The following SIRPG variants were observed in gnomAD, a reference collection of about 807,000 sequenced individuals.
SIRPG encodes signal regulatory protein gamma.
Under a neutral mutation model 35.7 loss-of-function variants are expected in SIRPG, and 38 were observed. That is an observed-to-expected ratio of 1.06 (90% CI 0.82 to 1.40). The LOEUF (loss-of-function observed/expected upper bound fraction) is 1.40, where lower values mean the gene tolerates loss of function less well. Among genes scored for constraint, SIRPG ranks in the 40% most tolerant of loss-of-function variants. The pLI is 0.00. For missense variants in SIRPG, 519 were observed against 483.0 expected, an observed-to-expected ratio of 1.07 and a Z score of -0.70; for synonymous variants, 215 against 190.4, an observed-to-expected ratio of 1.13 and a Z score of -1.06.
At chr20:1,673,679 C>T in the SIRPG span, among the ~76,000 whole-genome samples, 1 of 151,996 alleles carries the variant, frequency 6.6e-6, no homozygotes, top group Non-Finnish European at 1.5e-5. Flanking sequence ...TCTGAACAAT[C>T]CCCTCAGGAA....
chr20:1,642,288 T>C (rs2091858978), intron 2 of SIRPG, among the ~76,000 whole-genome samples: 1 of 151,370 alleles, frequency 6.6e-6, no homozygotes, highest in Admixed American at 6.6e-5. Context: ...ATATTTAGGA[T>C]AGTTAGTTGA....
chr20:1,675,151 C>G, the SIRPG span, among the ~76,000 whole-genome samples: 2 of 152,156 alleles, frequency 1.3e-5, no homozygotes, highest in Non-Finnish European at 2.9e-5. Context: ...AATGGAAACT[C>G]TTGCTTACAG....
the SIRPG span, among the ~76,000 whole-genome samples, chr20:1,675,333 T>A: frequency 6.6e-6 from 1 of 152,192 alleles, no homozygotes. Context: ...AAATGCTTCA[T>A]GTGTGCTGAG....
chr20:1,630,339 G>A, intron 4 of SIRPG, 33 bp from the exon 5 acceptor site: 4 of 1,520,206 alleles, frequency 2.6e-6, no homozygotes, highest in Non-Finnish European at 3.6e-6. Flanking sequence ...GGCTATGAGA[G>A]AGACCACTTG....
the SIRPG span, among the ~76,000 whole-genome samples, chr20:1,665,920 C>A: frequency 1.3e-5 from 2 of 151,632 alleles, no homozygotes; most frequent in South Asian, 2.1e-4. Context: ...AAAAAAAGAG[C>A]CTCAGGCACG....
the SIRPG span, among the ~76,000 whole-genome samples, chr20:1,678,983 T>C: frequency 9.8e-5 from 15 of 152,312 alleles, no homozygotes; most frequent in Admixed American, 8.5e-4. Flanking sequence ...ACTCTACACC[T>C]GGCAAACATC....
At chr20:1,654,876 G>T in intron 1 of SIRPG, among the ~76,000 whole-genome samples, 1 of 152,154 alleles carries the variant, frequency 6.6e-6, no homozygotes, top group South Asian at 2.1e-4. Context: ...CCAAAGATCC[G>T]AATAGACATT....
the SIRPG span, among the ~76,000 whole-genome samples, chr20:1,662,978 G>A: frequency 6.6e-6 from 1 of 152,006 alleles, no homozygotes; most frequent in African/African-American, 2.4e-5. Context: ...CAGCTGTTTT[G>A]GGGAAGACTC....
chr20:1,675,962 GCTCCCTGCTTCC>G, the SIRPG span, among the ~76,000 whole-genome samples: 3 of 152,054 alleles, frequency 2.0e-5, no homozygotes, highest in Non-Finnish European at 4.4e-5. Flanking sequence ...CACAGCTGCT[GCTCCCTGCTTCC>G]CTCCCTGCCT....
chr20:1,630,185 G>T, intron 5 of SIRPG, 37 bp downstream of exon 5: 1 of 1,488,664 alleles, frequency 6.7e-7, no homozygotes, highest in Non-Finnish European at 9.2e-7. Flanking sequence ...GCCCTTCTGA[G>T]ACAGCCCTTG....
chr20:1,677,860 C>T, the SIRPG span, among the ~76,000 whole-genome samples: 1 of 152,030 alleles, frequency 6.6e-6, no homozygotes, highest in South Asian at 2.1e-4. Context: ...TGCCATATAT[C>T]GACAACTAGA....
intron 2 of SIRPG, among the ~76,000 whole-genome samples, chr20:1,641,798 T>C (rs1179274577): frequency 1.3e-5 from 2 of 152,220 alleles, no homozygotes; most frequent in Non-Finnish European, 2.9e-5. Context: ...TGTCTCTTTG[T>C]TCTTATTGGT....
chr20:1,666,551 G>A, the SIRPG span: 1 of 152,220 alleles, frequency 6.6e-6, no homozygotes, highest in Non-Finnish European at 1.5e-5. Flanking sequence ...AACGGAGCAG[G>A]TGAAAACTGT....
At chr20:1,636,098 G>C in intron 3 of SIRPG, 90 bp downstream of exon 3, 1 of 1,570,084 alleles carries the variant, frequency 6.4e-7, no homozygotes, top group African/African-American at 1.3e-5. Flanking sequence ...TAGATTACAG[G>C]CCATTCAACC....
chr20:1,652,950 G>A (rs73572908), intron 1 of SIRPG, among the ~76,000 whole-genome samples: 2,705 of 152,254 alleles, frequency 0.018, 86 homozygotes, highest in African/African-American at 0.062. Context: ...TGCTCAGTGG[G>A]ACATTTCCCT....
At chr20:1,685,182 C>T in the SIRPG span, among the ~76,000 whole-genome samples, 1 of 152,178 alleles carries the variant, frequency 6.6e-6, no homozygotes. Context: ...TCTTCCAATC[C>T]TGCCTGTCCT....
At chr20:1,648,812 G>T (rs1477208807) in intron 2 of SIRPG, among the ~76,000 whole-genome samples, 2 of 152,140 alleles carry the variant, frequency 1.3e-5, no homozygotes, top group African/African-American at 2.4e-5. Flanking sequence ...AAGGACAAGA[G>T]CTGTAGAGCC....
At chr20:1,645,068 C>G (rs1445693529) in intron 2 of SIRPG, among the ~76,000 whole-genome samples, 1 of 152,136 alleles carries the variant, frequency 6.6e-6, no homozygotes, top group Non-Finnish European at 1.5e-5. Flanking sequence ...GATTTCAATG[C>G]TTTTTTAGAT....
the SIRPG span, chr20:1,671,061 G>C: frequency 4.7e-6 from 2 of 427,606 alleles, no homozygotes; most frequent in Admixed American, 5.3e-5. Context: ...GGAAGCCTGA[G>C]AGCTCATTCC....
Sources: gnomAD v4.1 joint callset for allele counts (sites outside exome capture counted in the v4.1 genomes callset) on GRCh38, gnomAD v4.1.1 for gene constraint, MANE v1.5 for transcripts, NCBI Gene and HGNC (gene_info 2026-07-23, HGNC 2026-07-21) for gene names.